Variants in NBPF26 observed in about 807,000 individuals in gnomAD.
The protein encoded by NBPF26 is NBPF member 26.
NBPF26 carries 79 observed loss-of-function variants against 119.6 expected under a neutral mutation model. That is an observed-to-expected ratio of 0.66 (90% CI 0.55 to 0.80). The LOEUF is 0.80. Ranked by LOEUF, NBPF26 falls within the 30% of genes least tolerant of loss-of-function variation. NBPF26 has a pLI of 0.00. For synonymous variants in NBPF26, 299 were observed against 457.7 expected (o/e 0.65, Z 4.43); for missense variants, 800 against 1,198.2 (o/e 0.67, Z 4.91).
rs1432337298 is a variant in NBPF26 at position 120,789,985 on chromosome 1, G to C, written c.416-3176G>C. On this transcript the variant is annotated intron_variant, in intron 3 of 29. Transcript: ENST00000620612. ...TGTTGTTAAGAAGGATCTCTTCTTG[G>C]TGTGTTCTGCAAGATTCTGATCACC... Among the ~76,000 whole-genome samples the C allele has an allele frequency of 8.5e-5, 7 of 82,188 alleles. 3 individuals carry two copies. In the East Asian group the frequency reaches 1.8e-3, roughly 21 times the overall value. 53.9% of individuals were successfully genotyped at this position (82,188 alleles called of 152,430 possible).
chr1:120,804,359 C>A (rs1245689702), intron 4 of NBPF26, among the ~76,000 whole-genome samples: 1 of 103,382 alleles, frequency 9.7e-6, no homozygotes, highest in East Asian at 2.3e-4. Context: ...CCAACCAACC[C>A]TGACCATAAC....
chr1:120,726,324 A>G lies in NBPF26; in HGVS notation c.73+2074A>G, dbSNP rs1379112013. Among the ~76,000 whole-genome samples the G allele has an allele frequency of 6.6e-5, 2 of 30,160 alleles. 1 individual carries two copies. Among genetic ancestry groups the G allele is most frequent in the Non-Finnish European group, 1.2e-4 (2 of 16,962 alleles). 19.8% of individuals were successfully genotyped at this position (30,160 alleles called of 152,430 possible). A position where few individuals can be genotyped will look rare whatever the true frequency, so the allele number is the denominator to read the frequency against. On this transcript the variant is annotated intron_variant, in intron 1 of 29. Transcript: ENST00000620612. ...TTTAGATGCTAAACTAATGCAGTAG[A>G]AGAGATTTAGAAGCCGTTTCTTGGT...
chr1:120,832,376 C>T (rs1444722271), intron 22 of NBPF26, among the ~76,000 whole-genome samples: 1 of 101,472 alleles, frequency 9.9e-6, no homozygotes, highest in African/African-American at 7.4e-5. Context: ...TCAGGCCATA[C>T]CTGTGGCGCC....
At chr1:120,779,697 G>T (rs1303469202) in intron 2 of NBPF26, among the ~76,000 whole-genome samples, 35 of 116,964 alleles carry the variant, frequency 3.0e-4, no homozygotes, top group African/African-American at 7.5e-4. Flanking sequence ...TATGTAAGGG[G>T]TGTTGGGTGT....
Position 120,824,037 on chromosome 1 carries a change from T to A in NBPF26, c.2703T>A (p.Cys901Ter). The A allele has an allele frequency of 1.8e-6, 1 of 568,906 alleles. No homozygotes were observed. The highest frequency in any genetic ancestry group is 3.0e-6 in the Non-Finnish European group (1 of 330,614). 35.2% of individuals were successfully genotyped at this position (568,906 alleles called of 1,614,324 possible). A position where few individuals can be genotyped will look rare whatever the true frequency, so the allele number is the denominator to read the frequency against. ...TCTTGCAGGACTCACTGGATAGATG[T>A]TATTCAACTCCTTCAGGTTGTCTTG... The change falls in exon 18 of 30, where the codon TGT becomes TGA. Residue 901 changes from cysteine to a stop codon, truncating the protein, a stop_gained. Coordinates refer to ENST00000620612, the Ensembl canonical transcript of NBPF26. LOFTEE classifies it high-confidence loss of function.
intron 8 of NBPF26, 96 bp from the exon 9 acceptor site, chr1:120,810,251 C>A: frequency 2.1e-6 from 3 of 1,411,738 alleles, no homozygotes; most frequent in East Asian, 2.3e-5. Context: ...TGGAACCACT[C>A]TCTTAATGCC....
intron 10 of NBPF26, among the ~76,000 whole-genome samples, chr1:120,812,800 G>A (rs1651900346): frequency 1.1e-5 from 1 of 94,472 alleles, no homozygotes; most frequent in Non-Finnish European, 1.9e-5. Context: ...GCAGGTGACT[G>A]TAATCACCCC....
rs1369374188 is a variant in NBPF26 at position 120,814,478 on chromosome 1, T to G, written c.1878-351T>G. On this transcript the variant is annotated intron_variant, in intron 11 of 29. Transcript: ENST00000620612. ...TTTCTGTACATGGCTTTGTATCTAG[T>G]GGCCGCAAGATGCACTATGTGTATT... Among the ~76,000 whole-genome samples, 2 of 110,156 alleles carry G rather than the reference T, an allele frequency of 1.8e-5. 1 individual carries two copies. Among genetic ancestry groups the G allele is most frequent in the Non-Finnish European group, 3.5e-5 (2 of 56,370 alleles). The allele number at this position is 110,156 out of a possible 152,430, so 72.3% of individuals were successfully genotyped here. A position where few individuals can be genotyped will look rare whatever the true frequency, so the allele number is the denominator to read the frequency against.
At chr1:120,752,519 A>AATATATATATATAT (rs1204399606) in intron 1 of NBPF26, among the ~76,000 whole-genome samples, 11 of 14,644 alleles carry the variant, frequency 7.5e-4, no homozygotes, top group African/African-American at 1.4e-3. Context: ...GAAGTTCAGG[A>AATATATATATATAT]ATATATATAT....
rs1340309160 is a variant in NBPF26, at chr1:120,818,830, G to A, written c.2423+656G>A. On this transcript the variant is annotated intron_variant, in intron 15 of 29. Coordinates refer to ENST00000620612, the Ensembl canonical transcript of NBPF26. ...CTTAATCCTGAGTTCTAATTTGATG[G>A]CACTGTGGTCTGACAGTTTGTTGTG... is the stretch of plus-strand genomic sequence containing the variant. 2.7e-4 allele frequency among the ~76,000 whole-genome samples: 32 copies of A among 117,914 alleles called. 7 individuals carry two copies. Among genetic ancestry groups the A allele is most frequent in the South Asian group, 2.6e-3 (10 of 3,812 alleles). 77.4% of individuals were successfully genotyped at this position (117,914 alleles called of 152,430 possible).
intron 2 of NBPF26, among the ~76,000 whole-genome samples, chr1:120,764,198 G>A (rs1376206447): frequency 0.04 from 4,607 of 115,314 alleles, 926 homozygotes; most frequent in Non-Finnish European, 0.055. Flanking sequence ...AGTGAGCTGA[G>A]ACCACATCAT....
chr1:120,823,723 T>C (rs1311970725), intron 17 of NBPF26, among the ~76,000 whole-genome samples: 3 of 111,520 alleles, frequency 2.7e-5, no homozygotes, highest in African/African-American at 1.4e-4. Context: ...CTCATCAGTG[T>C]GTCACCTGAC....
At chr1:120,822,649 G>C (rs1453696078) in intron 16 of NBPF26, among the ~76,000 whole-genome samples, 1 of 105,616 alleles carries the variant, frequency 9.5e-6, no homozygotes, top group Non-Finnish European at 1.8e-5. Flanking sequence ...TGTTCCCAAA[G>C]CATGTCTGTG....
At position 120,812,012 on chromosome 1, in the gene NBPF26, A is replaced by G; in HGVS notation, c.1691A>G (p.Lys564Arg). 6 of 1,290,104 alleles carry G rather than the reference A, an allele frequency of 4.7e-6. 2 individuals are homozygous for G. Among genetic ancestry groups the G allele is most frequent in the Non-Finnish European group, 6.3e-6 (6 of 945,174 alleles). 79.9% of individuals were successfully genotyped at this position (1,290,104 alleles called of 1,614,324 possible). Residue 564 changes from lysine to arginine, a missense_variant, in exon 10 of 30, where the codon AAG becomes AGG. By Grantham distance (26) the Lys-to-Arg change is conservative. This residue lies in a region of NBPF26 where 72 missense variants were observed against 81.1 expected (regional missense o/e 0.89). Transcript: ENST00000620612. Reference sequence around the variant, plus strand: ...AAATTGCGCCCCCAGCTGGCAGAGAAGAAACAGCAGTTCAGAAACCTCAAA... The same window carrying G: ...AAATTGCGCCCCCAGCTGGCAGAGAGGAAACAGCAGTTCAGAAACCTCAAA...
In NBPF26 at chr1:120,819,257, T is replaced by A. The variant is rs1213441892; in HGVS notation, c.2423+1083T>A. Among the ~76,000 whole-genome samples, 2 of 119,208 alleles carry A rather than the reference T, an allele frequency of 1.7e-5. 1 individual carries two copies. Among genetic ancestry groups the A allele is most frequent in the Non-Finnish European group, 3.3e-5 (2 of 60,730 alleles). 78.2% of individuals were successfully genotyped at this position (119,208 alleles called of 152,430 possible). A position where few individuals can be genotyped will look rare whatever the true frequency, so the allele number is the denominator to read the frequency against. On this transcript the variant is annotated intron_variant, in intron 15 of 29. Coordinates refer to ENST00000620612, the Ensembl canonical transcript of NBPF26. ...GTGGCCTTCTTTGTCTCTTTTGATC[T>A]TTGTTGGTTTAAAGTCTGTTTTATC...
intron 29 of NBPF26, among the ~76,000 whole-genome samples, chr1:120,840,070 G>T: frequency 1.5e-5 from 1 of 66,138 alleles, no homozygotes; most frequent in East Asian, 3.2e-4. Flanking sequence ...CTAACTCAGA[G>T]TGTCCTTTGA....
At chr1:120,822,005 C>G in intron 15 of NBPF26, 99 bp from the exon 16 acceptor site, 1 of 1,240,632 alleles carries the variant, frequency 8.1e-7, no homozygotes, top group Non-Finnish European at 1.1e-6. Flanking sequence ...GTTTCTGTGA[C>G]CACTCCATTC....
At chr1:120,813,470 C>G (rs1273986368) in intron 10 of NBPF26, among the ~76,000 whole-genome samples, 1 of 126,808 alleles carries the variant, frequency 7.9e-6, no homozygotes, top group Non-Finnish European at 1.6e-5. Flanking sequence ...CTTGAAATTC[C>G]CAGTAAAAGG....
chr1:120,833,454 C>G (rs1376835265), intron 23 of NBPF26, 149 bp from the exon 28 acceptor site: 1 of 536,022 alleles, frequency 1.9e-6, no homozygotes, highest in Admixed American at 3.5e-5. Flanking sequence ...CTGTTCTATC[C>G]CAACATAAAG....
Sources: gnomAD v4.1 joint callset for allele counts (sites outside exome capture counted in the v4.1 genomes callset) on GRCh38, gnomAD v4.1.1 for gene constraint, gnomAD v4.1.1 regional missense constraint, MANE v1.5 for transcripts, NCBI Gene and HGNC (gene_info 2026-07-23, HGNC 2026-07-21) for gene names.